The following GRXCR2 variants were observed in gnomAD, a reference collection of about 807,000 sequenced individuals.
GRXCR2 encodes glutaredoxin domain-containing cysteine-rich protein 2.
A neutral mutation model predicts 24.8 loss-of-function variants in GRXCR2; 23 were observed. The observed-to-expected ratio is 0.93, with a 90% CI of 0.67 to 1.32. The LOEUF is 1.32. Ranked by LOEUF, GRXCR2 falls within the 40% of genes most tolerant of loss-of-function variation. GRXCR2 has a pLI of 0.00. For synonymous variants in GRXCR2, 130 were observed against 116.1 expected, an observed-to-expected ratio of 1.12 and a Z score of -0.77; for missense variants, 315 against 303.4, an observed-to-expected ratio of 1.04 and a Z score of -0.28.
intron 2 of GRXCR2, among the ~76,000 whole-genome samples, chr5:145,891,699 C>A (rs752210537): frequency 6.6e-6 from 1 of 152,202 alleles, no homozygotes. Context: ...TAGACTCCAC[C>A]TCTGGGGGCA....
chr5:145,889,168 C>CAAAAAAA (rs534124544), intron 2 of GRXCR2, among the ~76,000 whole-genome samples: 1 of 55,192 alleles, frequency 1.8e-5, no homozygotes, highest in African/African-American at 6.4e-5. Flanking sequence ...GACTCTGTCT[C>CAAAAAAA]AAAAAAAGAA....
At chr5:145,888,242 A>C (rs570443168) in intron 2 of GRXCR2, among the ~76,000 whole-genome samples, 73 of 152,340 alleles carry the variant, frequency 4.8e-4, no homozygotes, top group African/African-American at 1.8e-3. Context: ...GTGGCTCCAG[A>C]GGACAGGAAA....
intron 2 of GRXCR2, among the ~76,000 whole-genome samples, chr5:145,903,347 T>C (rs188207373): frequency 2.0e-5 from 3 of 152,284 alleles, no homozygotes; most frequent in Middle Eastern, 3.4e-3. Flanking sequence ...CCAGTCTCTA[T>C]TGGAGAAATC....
At chr5:145,930,319 A>G (rs1223789733) in intron 2 of GRXCR2, among the ~76,000 whole-genome samples, 1 of 152,166 alleles carries the variant, frequency 6.6e-6, no homozygotes, top group East Asian at 1.9e-4. Context: ...TCCCGGCCTC[A>G]AGTGATTCGC....
chr5:145,889,573 A>T (rs531134816), intron 2 of GRXCR2, among the ~76,000 whole-genome samples: 47 of 152,320 alleles, frequency 3.1e-4, no homozygotes, highest in Middle Eastern at 6.8e-3. Flanking sequence ...AGAGGAAAAA[A>T]TCTACCCATA....
intron 1 of GRXCR2, among the ~76,000 whole-genome samples, chr5:145,868,887 T>G (rs592743): frequency 0.068 from 10,386 of 152,256 alleles, 640 homozygotes; most frequent in African/African-American, 0.17. Flanking sequence ...AACTCTATGG[T>G]TGTAATGAAA....
chr5:145,872,890 A>G lies in GRXCR2; in HGVS notation c.79T>C (p.Tyr27His), dbSNP rs774958979. The change falls in exon 1 of 3, where the codon TAC (tyrosine) becomes CAC (histidine). Residue 27 changes from tyrosine (Y) to histidine (H), a missense_variant. By Grantham distance (83) the Tyr-to-His change is moderately conservative (BLOSUM62 2). Transcript: ENST00000377976. ...ACCTGCTTCAATACTCGACCGCTGTAGGAGGAGGAGATTTTAAATCGTACT... is the reference window on the plus strand; with the variant it reads ...ACCTGCTTCAATACTCGACCGCTGTGGGAGGAGGAGATTTTAAATCGTACT... ...RKVRFKISSS[Y>H]SGRVLKQVFE... 6.2e-7 allele frequency: 1 copy of G among 1,614,098 alleles called. No individual in the cohort carries two copies. The highest frequency in any genetic ancestry group is 8.5e-7 in the Non-Finnish European group (1 of 1,179,918).
At chr5:145,918,785 GC>G (rs1757278495) in intron 2 of GRXCR2, among the ~76,000 whole-genome samples, 1 of 152,100 alleles carries the variant, frequency 6.6e-6, no homozygotes, top group Non-Finnish European at 1.5e-5. Flanking sequence ...AATATTTACT[GC>G]CCATTTACAA....
chr5:145,923,246 TATA>T (rs1191944858), intron 2 of GRXCR2, among the ~76,000 whole-genome samples: 1 of 152,216 alleles, frequency 6.6e-6, no homozygotes, highest in Admixed American at 6.5e-5. Flanking sequence ...CTACTTTACA[TATA>T]ATAAGTGTCA....
At chr5:145,900,024 C>A (rs1290368911) in intron 2 of GRXCR2, among the ~76,000 whole-genome samples, 1 of 152,094 alleles carries the variant, frequency 6.6e-6, no homozygotes, top group Non-Finnish European at 1.5e-5. Flanking sequence ...AAAGTTTTAA[C>A]AACCAGAATC....
chr5:145,931,089 T>C (rs1243036885), intron 2 of GRXCR2, among the ~76,000 whole-genome samples: 3 of 152,222 alleles, frequency 2.0e-5, no homozygotes, highest in Non-Finnish European at 4.4e-5. Flanking sequence ...TGGAGTGCAG[T>C]GGTGCGATCT....
chr5:145,862,114 T>C (rs1481994320), intron 2 of GRXCR2, among the ~76,000 whole-genome samples: 1 of 152,228 alleles, frequency 6.6e-6, no homozygotes, highest in Non-Finnish European at 1.5e-5. Context: ...TCCATTAGGT[T>C]TTATGTTTTG....
intron 2 of GRXCR2, among the ~76,000 whole-genome samples, chr5:145,884,127 T>C (rs2149916428): frequency 6.6e-6 from 1 of 152,248 alleles, no homozygotes; most frequent in South Asian, 2.1e-4. Flanking sequence ...ACCCCACCTA[T>C]GAAGTATTCT....
At chr5:145,927,441 G>A (rs4554290) in intron 2 of GRXCR2, among the ~76,000 whole-genome samples, 27,685 of 152,108 alleles carry the variant, frequency 0.18, 2,775 homozygotes, top group Non-Finnish European at 0.23. Flanking sequence ...AGCATGAAGC[G>A]TTGTTGAATT....
intron 2 of GRXCR2, among the ~76,000 whole-genome samples, chr5:145,894,343 A>C (rs1165663672): frequency 1.3e-5 from 2 of 152,218 alleles, no homozygotes; most frequent in Admixed American, 6.5e-5. Context: ...TGAATCCAGG[A>C]GCTGGTTTTT....
At chr5:145,907,627 C>T (rs1757110897) in intron 2 of GRXCR2, among the ~76,000 whole-genome samples, 1 of 152,004 alleles carries the variant, frequency 6.6e-6, no homozygotes, top group Non-Finnish European at 1.5e-5. Flanking sequence ...AGGGTGGTGA[C>T]TCGGCCTGTG....
intron 2 of GRXCR2, among the ~76,000 whole-genome samples, chr5:145,926,320 T>G (rs1022341535): frequency 2.0e-5 from 3 of 152,272 alleles, no homozygotes; most frequent in East Asian, 3.9e-4. Flanking sequence ...TTGCAGATGT[T>G]TTAGTAAATC....
rs1756552722 is a variant in GRXCR2 at position 145,872,711 on chromosome 5, A to G, written c.258T>C (p.Ser86=). The change falls in exon 1 of 3, where the codon AGT becomes AGC. Residue 86 remains serine, a synonymous_variant. Coordinates refer to ENST00000377976, the MANE Select transcript of GRXCR2 (RefSeq NM_001080516.2). ...CSPKLTAQRI[S]VFREGNAYTL... ...TGTAGGCATTACCCTCTCTAAACACACTGATCCTCTGAGCAGTCAGCTTAG... is the reference window on the plus strand; with the variant it reads ...TGTAGGCATTACCCTCTCTAAACACGCTGATCCTCTGAGCAGTCAGCTTAG... The G allele has an allele frequency of 6.2e-7, 1 of 1,613,856 alleles. No individual in the cohort carries two copies. Among genetic ancestry groups the G allele is most frequent in the Non-Finnish European group, 8.5e-7 (1 of 1,179,922 alleles).
chr5:145,920,711 A>G (rs1432772), intron 2 of GRXCR2, among the ~76,000 whole-genome samples: 73,923 of 152,076 alleles, frequency 0.49, 18,107 homozygotes, highest in South Asian at 0.65. Context: ...GACATGCTGA[A>G]CATCAGTTAC....
Sources: gnomAD v4.1 joint callset for allele counts (sites outside exome capture counted in the v4.1 genomes callset) on GRCh38, gnomAD v4.1.1 for gene constraint, MANE v1.5 for transcripts, NCBI Gene and HGNC (gene_info 2026-07-23, HGNC 2026-07-21) for gene names.